NEB: variants seen among roughly 807,000 people sequenced by gnomAD.
NEB encodes nemaline myopathy type 2.
A neutral mutation model predicts 952.2 loss-of-function variants in NEB; 512 were observed. The observed-to-expected ratio is 0.54, with a 90% CI of 0.50 to 0.58. NEB has a LOEUF of 0.58. Ranked by LOEUF, NEB falls within the 20% of genes least tolerant of loss-of-function variation. The probability of loss-of-function intolerance (pLI) is 0.00; values close to 1 mark genes in which losing one functional copy is unlikely to be tolerated. For synonymous variants in NEB, 2,900 were observed against 3,149.8 expected (o/e 0.92, Z 2.66); for missense variants, 8,428 against 9,231.1 (o/e 0.91, Z 3.56).
At chr2:151,705,200 G>A (rs1041508391) in intron 13 of NEB, among the ~76,000 whole-genome samples, 1 of 151,970 alleles carries the variant, frequency 6.6e-6, no homozygotes, top group Non-Finnish European at 1.5e-5. Flanking sequence ...CTGGTACTAA[G>A]AGTTACTACT....
In NEB at chr2:151,706,337, A is replaced by ATC. The variant is rs559330245; in HGVS notation, c.1152+542_1152+543dup. On this transcript the variant is annotated intron_variant, in intron 13 of 181. Transcript: ENST00000397345. Reference sequence around the variant, plus strand: ...ATAAACTCAAATCATCACATATTCAATCTCTCTCTCTCTCTCTCAGGCTGT... The same window carrying ATC: ...ATAAACTCAAATCATCACATATTCAATCTCTCTCTCTCTCTCTCTCAGGCTGT... 1.7e-3 allele frequency among the ~76,000 whole-genome samples: 254 copies of ATC among 150,094 alleles called. 9 individuals carry two copies. The South Asian group carries it at 0.048, about 28-fold the overall frequency.
At chr2:151,729,288 C>A (rs1270396567) in intron 4 of NEB, among the ~76,000 whole-genome samples, 1 of 152,154 alleles carries the variant, frequency 6.6e-6, no homozygotes, top group Non-Finnish European at 1.5e-5. Flanking sequence ...GGCTTGTTGT[C>A]ACCATCCCTC....
intron 63 of NEB, among the ~76,000 whole-genome samples, chr2:151,637,579 A>C (rs2098785834): frequency 6.6e-6 from 1 of 152,132 alleles, no homozygotes; most frequent in Admixed American, 6.5e-5. Flanking sequence ...TGCGGGCAAA[A>C]TGGGGAAGGG....
chr2:151,556,265 A>G (rs1160464401), intron 124 of NEB, among the ~76,000 whole-genome samples: 1 of 152,202 alleles, frequency 6.6e-6, no homozygotes, highest in Non-Finnish European at 1.5e-5. Flanking sequence ...ACTAGCATTT[A>G]AATGAGTAGA....
chr2:151,714,637 T>TGAC (rs1476708637), intron 10 of NEB, among the ~76,000 whole-genome samples: 1 of 152,132 alleles, frequency 6.6e-6, no homozygotes, highest in African/African-American at 2.4e-5. Flanking sequence ...GGAGGACCCC[T>TGAC]TGGCCCCAAC....
rs764064217 is a variant in NEB, at chr2:151,659,129, A to G, written c.6011T>C (p.Val2004Ala). The change falls in exon 47 of 182, where the codon GTC becomes GCC. Residue 2004 changes from valine (V) to alanine (A), a missense_variant. Physicochemically the swap from Val to Ala is moderately conservative, Grantham distance 64. Coordinates refer to ENST00000397345, the MANE Select transcript of NEB (RefSeq NM_001164508.2). ...CTGGGGGATATCAGGCATGATGTGG[A>G]CTTTGGTTTTGTCAGCCTCCCATGC... ...KQAWEADKTKVHIMPDIPQII... is the reference protein window; with the variant it reads ...KQAWEADKTKAHIMPDIPQII... The G allele has an allele frequency of 4.0e-5, 65 of 1,613,042 alleles. No homozygotes were observed. Among genetic ancestry groups the G allele is most frequent in the Non-Finnish European group, 5.3e-5 (62 of 1,179,308 alleles).
intron 13 of NEB, 116 bp from the exon 14 acceptor site, chr2:151,697,764 G>T: frequency 1.3e-6 from 1 of 745,348 alleles, no homozygotes; most frequent in Non-Finnish European, 2.1e-6. Context: ...CCTGTCAACT[G>T]TCTTAAAAAC....
intron 164 of NEB, 141 bp downstream of exon 164, chr2:151,506,025 T>A (rs2068613638): frequency 2.6e-6 from 2 of 756,372 alleles, no homozygotes; most frequent in East Asian, 5.0e-5. Flanking sequence ...CTCTAGCCAC[T>A]GTGTGGTGGT....
rs770392193 is a variant in NEB, at chr2:151,695,544, G to C, written c.1674+34C>G. ...TCAAACATAAAAGCACAGGTTGTCA[G>C]TACATCACATGGTACAGGGCATAAG... On this transcript the variant is annotated intron_variant, in intron 18 of 181. Transcript: ENST00000397345. The C allele has an allele frequency of 2.7e-6, 4 of 1,482,946 alleles. No individual in the cohort carries two copies. The Admixed American group carries it at 6.9e-5, about 26-fold the overall frequency. 91.9% of individuals were successfully genotyped at this position (1,482,946 alleles called of 1,614,324 possible).
intron 9 of NEB, among the ~76,000 whole-genome samples, chr2:151,722,584 C>A (rs947944966): frequency 2.0e-5 from 3 of 152,090 alleles, no homozygotes; most frequent in Admixed American, 6.6e-5. Flanking sequence ...CTCGCTGTTG[C>A]CCAGGCTGGA....
Position 151,696,733 on chromosome 2 carries a change from G to A in NEB, c.1473C>T (p.His491=). The change falls in exon 17 of 182, where the codon CAC becomes CAT. Residue 491 remains histidine (H), a splice_region_variant and synonymous_variant. Transcript: ENST00000397345. ...TCTTATCTGGATGGACTTTGTAGGT[G>A]TGCTGTGGGGAAGCAAAGGCATTTG... ...AIKKLDQCKD[H]TYKVHPDKTK... is the part of the protein sequence containing the mutation. The A allele has an allele frequency of 1.9e-6, 3 of 1,613,108 alleles. No homozygotes were observed. The highest frequency in any genetic ancestry group is 2.5e-6 in the Non-Finnish European group (3 of 1,179,152).
Position 151,640,599 on chromosome 2 carries a change from T to C in NEB, c.8441A>G (p.Asp2814Gly). ...GTGCATGGACCACATCATCTTGGGG[T>C]CATCACGTATAGCTCGGGCACCAAT... is the stretch of plus-strand genomic sequence containing the variant. ...HHIGARAIRD[D>G]PKMMWSMHVA... The change falls in exon 61 of 182, where the codon GAC becomes GGC. Residue 2814 changes from aspartate to glycine, a missense_variant. Around this residue, in one of 11 missense-constraint regions of NEB, gnomAD observed 1,772 missense variants for 1,960.3 expected, o/e 0.90. Coordinates refer to ENST00000397345, the MANE Select transcript of NEB (RefSeq NM_001164508.2). 6.2e-7 allele frequency: 1 copy of C among 1,613,904 alleles called. No homozygotes were observed. Among genetic ancestry groups the C allele is most frequent in the Non-Finnish European group, 8.5e-7 (1 of 1,179,840 alleles).
chr2:151,490,901 CTT>C (rs1330834651), intron 179 of NEB, among the ~76,000 whole-genome samples: 2 of 152,214 alleles, frequency 1.3e-5, no homozygotes, highest in African/African-American at 4.8e-5. Context: ...AATTTAGAGT[CTT>C]TCTCTGTGTT....
intron 146 of NEB, among the ~76,000 whole-genome samples, chr2:151,528,519 G>A (rs987559351): frequency 6.6e-5 from 10 of 152,048 alleles, no homozygotes; most frequent in African/African-American, 1.2e-4. Context: ...CCTTCTATCC[G>A]TCTGCCCTCA....
At chr2:151,491,458 AATG>A (rs1229372707) in intron 179 of NEB, 1 of 394,590 alleles carries the variant, frequency 2.5e-6, no homozygotes, top group African/African-American at 2.0e-5. Context: ...AAATGATAAT[AATG>A]GGAGACATGC....
intron 13 of NEB, among the ~76,000 whole-genome samples, chr2:151,705,613 C>T (rs2099702571): frequency 6.6e-6 from 1 of 152,132 alleles, no homozygotes. Flanking sequence ...GAAAAAGACA[C>T]ATGCATAAGC....
In NEB at chr2:151,695,622, G is replaced by T; in HGVS notation, c.1630C>A (p.Pro544Thr). 1.2e-6 allele frequency: 2 copies of T among 1,613,938 alleles called. No individual in the cohort carries two copies. Among genetic ancestry groups the T allele is most frequent in the Non-Finnish European group, 1.7e-6 (2 of 1,179,848 alleles). Residue 544 changes from proline to threonine, a missense_variant, in exon 18 of 182, where the codon CCT becomes ACT. Physicochemically the swap from Pro to Thr is conservative, Grantham distance 38. Coordinates refer to ENST00000397345, the MANE Select transcript of NEB (RefSeq NM_001164508.2). ...TTGACTTTGTGCTGGATAAAAGCAG[G>T]AGTATCAGGGGGGATATGGCACTTG... Reference protein sequence around the residue: ...KFKCHIPPDTPAFIQHKVNAY... With the variant: ...KFKCHIPPDTTAFIQHKVNAY...
At position 151,532,301 on chromosome 2, in the gene NEB, A is replaced by C. The variant is rs920619740; in HGVS notation, c.21418-405T>G. 5.6e-5 allele frequency: 9 copies of C among 160,530 alleles called. No individual in the cohort carries two copies. In the East Asian group the frequency reaches 1.6e-3, roughly 29 times the overall value. The allele number at this position is 160,530 out of a possible 1,614,324, so 9.9% of individuals were successfully genotyped here. On this transcript the variant is annotated intron_variant, in intron 143 of 181. Coordinates refer to ENST00000397345, the MANE Select transcript of NEB (RefSeq NM_001164508.2). Reference sequence around the variant, plus strand: ...CTGACCCAAGGGCACATTTAGACCAAATCTCAGAGCAGGACTAGAACCTGT... The same window carrying C: ...CTGACCCAAGGGCACATTTAGACCACATCTCAGAGCAGGACTAGAACCTGT...
At chr2:151,728,694 G>T (rs1289032707) in intron 4 of NEB, among the ~76,000 whole-genome samples, 1 of 152,072 alleles carries the variant, frequency 6.6e-6, no homozygotes, top group African/African-American at 2.4e-5. Context: ...AATAATGCAT[G>T]TAAGAAAAAA....
Sources: gnomAD v4.1 joint callset for allele counts (sites outside exome capture counted in the v4.1 genomes callset) on GRCh38, gnomAD v4.1.1 for gene constraint, gnomAD v4.1.1 regional missense constraint, MANE v1.5 for transcripts, NCBI Gene and HGNC (gene_info 2026-07-23, HGNC 2026-07-21) for gene names.